Variants in RAD51C observed in about 807,000 individuals in gnomAD.
RAD51C encodes the protein DNA repair protein RAD51 homolog 3.
In RAD51C, 42 loss-of-function variants were observed where a neutral mutation model predicts 45.0. The ratio of observed to expected loss-of-function variants is 0.93; its 90% CI spans 0.73 to 1.21. The LOEUF (loss-of-function observed/expected upper bound fraction) is 1.21, where lower values mean the gene tolerates loss of function less well. Among genes scored for constraint, RAD51C ranks in the 50% most tolerant of loss-of-function variants. The probability of loss-of-function intolerance (pLI) is 0.00; values close to 1 mark genes in which losing one functional copy is unlikely to be tolerated. For synonymous variants in RAD51C, 172 were observed against 159.8 expected (o/e 1.08, Z -0.58); for missense variants, 474 against 452.2 (o/e 1.05, Z -0.44).
At chr17:58,698,876 C>T (rs933957057) in intron 3 of RAD51C, among the ~76,000 whole-genome samples, 2 of 147,458 alleles carry the variant, frequency 1.4e-5, no homozygotes, top group African/African-American at 5.0e-5. Context: ...GAGCCGAGAT[C>T]GTGCCACTGC....
chr17:58,716,564 G>A (rs1010351428), intron 5 of RAD51C, among the ~76,000 whole-genome samples: 2 of 129,784 alleles, frequency 1.5e-5, no homozygotes, highest in African/African-American at 5.8e-5. Context: ...CCGGGTTCAC[G>A]CCATTCTCCT....
intron 1 of RAD51C, chr17:58,694,718 G>A (rs2143713718): frequency 3.7e-6 from 2 of 545,770 alleles, no homozygotes; most frequent in South Asian, 1.9e-5. Context: ...CAGGTGATCT[G>A]GCTGCCTCAG....
intron 7 of RAD51C, 181 bp from the exon 8 acceptor site, chr17:58,732,303 T>C (rs1487238368): frequency 3.6e-6 from 2 of 557,586 alleles, no homozygotes; most frequent in Non-Finnish European, 3.1e-6. Flanking sequence ...AACTCTGTTA[T>C]ATACATACGG....
At chr17:58,700,509 C>A (rs901130111) in intron 3 of RAD51C, among the ~76,000 whole-genome samples, 1 of 152,120 alleles carries the variant, frequency 6.6e-6, no homozygotes, top group East Asian at 1.9e-4. Flanking sequence ...GTGGCGCGAT[C>A]TGGGCTCACT....
At position 58,696,349 on chromosome 17, in the gene RAD51C, C is replaced by T. The variant is rs28363304; in HGVS notation, c.405-344C>T. Among the ~76,000 whole-genome samples the T allele has an allele frequency of 1.8e-4, 28 of 152,214 alleles. 1 individual carries two copies. In the East Asian group the frequency reaches 4.4e-3, roughly 24 times the overall value. ...TCGGGCAGCTGAGGCAGGAGAATGG[C>T]GTAAACCTGGGAGGCGGAGCTTGCA... On this transcript the variant is annotated intron_variant, in intron 2 of 8. Coordinates refer to ENST00000337432, the MANE Select transcript of RAD51C (RefSeq NM_058216.3).
rs876658730 is a variant in RAD51C at position 58,709,907 on chromosome 17, C to G, written c.754C>G (p.Leu252Val). ...TATTGCTTTTCCATTTCGTCATGACCTAGATGACCTGTCTCTTCGTACTCG... is the reference window on the plus strand; with the variant it reads ...TATTGCTTTTCCATTTCGTCATGACGTAGATGACCTGTCTCTTCGTACTCG... ...DGIAFPFRHD[L>V]DDLSLRTRLL... Residue 252 changes from leucine to valine, a missense_variant, in exon 5 of 9, where the codon CTA becomes GTA. Leu to Val is a conservative substitution (Grantham distance 32). Coordinates refer to ENST00000337432, the MANE Select transcript of RAD51C (RefSeq NM_058216.3). 2 of 1,610,768 alleles carry G rather than the reference C, an allele frequency of 1.2e-6. No homozygotes were observed. The highest frequency in any genetic ancestry group is 1.7e-6 in the Non-Finnish European group (2 of 1,177,250).
chr17:58,708,070 C>T (rs1245343447), intron 4 of RAD51C, among the ~76,000 whole-genome samples: 3 of 152,168 alleles, frequency 2.0e-5, no homozygotes, highest in Non-Finnish European at 1.5e-5. Context: ...TGGGGGGACA[C>T]AGCAGTGGTC....
chr17:58,717,749 AAAAG>A (rs1323167117), intron 5 of RAD51C, among the ~76,000 whole-genome samples: 1 of 152,154 alleles, frequency 6.6e-6, no homozygotes, highest in Non-Finnish European at 1.5e-5. Context: ...GAAAAAAAGA[AAAAG>A]AAAGAAAAGC....
chr17:58,725,501 C>A (rs2049086393), intron 7 of RAD51C, among the ~76,000 whole-genome samples: 1 of 152,046 alleles, frequency 6.6e-6, no homozygotes, highest in African/African-American at 2.4e-5. Flanking sequence ...TAATAAAATG[C>A]ATTTAAGAAG....
chr17:58,730,106 A>G (rs947849914), intron 7 of RAD51C, among the ~76,000 whole-genome samples: 4 of 151,706 alleles, frequency 2.6e-5, no homozygotes, highest in African/African-American at 4.8e-5. Context: ...TGCATTAAAG[A>G]TAGATTATCA....
rs903836018 is a variant in RAD51C at position 58,735,447 on chromosome 17, T to G, written c.*1225T>G. On this transcript the variant is annotated 3_prime_UTR_variant, in exon 9 of 9. Coordinates refer to ENST00000337432, the MANE Select transcript of RAD51C (RefSeq NM_058216.3). The stretch of plus-strand genomic sequence containing the variant: ...CCTGGTCTCAAGCGATCCTCTTGCC[T>G]TGTCTTCCCAAAGTGCTGGGATTAC... 2.0e-5 allele frequency: 3 copies of G among 152,080 alleles called. No homozygotes were observed. The highest frequency in any genetic ancestry group is 7.2e-5 in the African/African-American group (3 of 41,396). 9.4% of individuals were successfully genotyped at this position (152,080 alleles called of 1,614,324 possible). A position where few individuals can be genotyped will look rare whatever the true frequency, so the allele number is the denominator to read the frequency against.
intron 4 of RAD51C, among the ~76,000 whole-genome samples, chr17:58,708,858 G>A (rs1321095204): frequency 6.6e-6 from 1 of 151,648 alleles, no homozygotes; most frequent in Non-Finnish European, 1.5e-5. Context: ...GTGAGCCACC[G>A]CGCCCAGCCT....
At position 58,709,966 on chromosome 17, in the gene RAD51C, C is replaced by T. The variant is rs376853755; in HGVS notation, c.813C>T (p.Ser271=). 9 of 1,612,926 alleles carry T rather than the reference C, an allele frequency of 5.6e-6. No homozygotes were observed. In the African/African-American group the frequency reaches 1.2e-4, roughly 22 times the overall value. ...ATGGCCTAGCCCAGCAAATGATCAG[C>T]CTTGCAAATAATCACAGATTAGCTG... is the stretch of plus-strand genomic sequence containing the variant. ...LLNGLAQQMI[S]LANNHRLAVI... Residue 271 remains serine, a synonymous_variant, in exon 5 of 9, where the codon AGC becomes AGT. Transcript: ENST00000337432.
chr17:58,717,351 G>A (rs2048775081), intron 5 of RAD51C, among the ~76,000 whole-genome samples: 1 of 152,144 alleles, frequency 6.6e-6, no homozygotes, highest in South Asian at 2.1e-4. Flanking sequence ...GATTGTTTGA[G>A]TCCACAACTT....
At chr17:58,715,878 G>A (rs950880296) in intron 5 of RAD51C, among the ~76,000 whole-genome samples, 1 of 152,162 alleles carries the variant, frequency 6.6e-6, no homozygotes, top group African/African-American at 2.4e-5. Context: ...GCCAAGCTGG[G>A]TGGATCACCT....
intron 7 of RAD51C, among the ~76,000 whole-genome samples, chr17:58,729,510 C>T (rs530117221): frequency 3.3e-5 from 5 of 151,942 alleles, no homozygotes; most frequent in Admixed American, 6.6e-5. Flanking sequence ...CCACCGCGCC[C>T]GGCCTGAGGA....
chr17:58,729,361 G>A (rs763990820), intron 7 of RAD51C, among the ~76,000 whole-genome samples: 1 of 151,824 alleles, frequency 6.6e-6, no homozygotes, highest in Non-Finnish European at 1.5e-5. Context: ...GGGATTACAG[G>A]CATGCACCAC....
chr17:58,731,992 TAAA>T (rs1305180460), intron 7 of RAD51C, among the ~76,000 whole-genome samples: 1 of 152,128 alleles, frequency 6.6e-6, no homozygotes, highest in Non-Finnish European at 1.5e-5. Flanking sequence ...CAGCAATAAT[TAAA>T]AAAACATGAT....
chr17:58,701,610 G>A (rs1035264516), intron 3 of RAD51C, among the ~76,000 whole-genome samples: 30 of 148,838 alleles, frequency 2.0e-4, no homozygotes, highest in African/African-American at 2.7e-4. Context: ...TTGCTCTGTC[G>A]CCCAGGCTGG....
Sources: allele counts gnomAD v4.1 joint callset (sites outside exome capture counted in the v4.1 genomes callset), GRCh38; gene constraint gnomAD v4.1.1; transcripts MANE v1.5; gene names NCBI Gene and HGNC (gene_info 2026-07-23, HGNC 2026-07-21).